PKD1L3: variants seen among roughly 807,000 people sequenced by gnomAD.
The protein encoded by PKD1L3 is polycystin 1 like 3, transient receptor potential channel interacting, also known as polycystin-1-like protein 3.
In PKD1L3, 239 loss-of-function variants were observed where a neutral mutation model predicts 184.1. The ratio of observed to expected loss-of-function variants is 1.30; its 90% CI spans 1.17 to 1.45. The LOEUF (loss-of-function observed/expected upper bound fraction) is 1.45, where lower values mean the gene tolerates loss of function less well. Among genes scored for constraint, PKD1L3 ranks in the 40% most tolerant of loss-of-function variants. The pLI is 0.00. For missense variants in PKD1L3, 2,660 were observed against 2,067.2 expected (o/e 1.29, Z -5.56); for synonymous variants, 996 against 778.8 (o/e 1.28, Z -4.64).
intron 11 of PKD1L3, 105 bp from the exon 12 acceptor site, chr16:71,973,622 G>C (rs2039805912): frequency 9.8e-7 from 1 of 1,016,986 alleles, no homozygotes; most frequent in African/African-American, 1.6e-5. Flanking sequence ...ATGAGACCAT[G>C]ATGAAACTAG....
intron 16 of PKD1L3, among the ~76,000 whole-genome samples, chr16:71,954,619 A>G (rs901707851): frequency 2.0e-5 from 3 of 152,218 alleles, no homozygotes; most frequent in African/African-American, 4.8e-5. Flanking sequence ...TTACTCTTCA[A>G]AAGTTTACAT....
chr16:71,941,589 T>G (rs1459648598), intron 24 of PKD1L3, among the ~76,000 whole-genome samples: 1 of 146,000 alleles, frequency 6.8e-6, no homozygotes, highest in Non-Finnish European at 1.5e-5. Context: ...TTCTTTTTTT[T>G]TTTTTTTTTT....
At chr16:71,991,633 T>C (rs1411887608) in intron 3 of PKD1L3, among the ~76,000 whole-genome samples, 1 of 152,066 alleles carries the variant, frequency 6.6e-6, no homozygotes. Context: ...ACACAGAGGG[T>C]AGGAAGCAGC....
At chr16:71,965,428 G>T (rs532096151) in intron 15 of PKD1L3, among the ~76,000 whole-genome samples, 1 of 152,140 alleles carries the variant, frequency 6.6e-6, no homozygotes, top group South Asian at 2.1e-4. Context: ...CATGGTCAGT[G>T]TATGTTTAAC....
chr16:71,944,025 C>G lies in PKD1L3; in HGVS notation c.3859+5G>C, dbSNP rs1482630991. The G allele has an allele frequency of 4.5e-6, 7 of 1,550,578 alleles. No individual in the cohort carries two copies. The highest frequency in any genetic ancestry group is 5.2e-6 in the Non-Finnish European group (6 of 1,146,762). On this transcript the variant is annotated splice_donor_5th_base_variant and intron_variant, in intron 23 of 29. Transcript: ENST00000620267. Reference sequence around the variant, plus strand: ...TATCAGTATGTTGCCATTTCCTCTCCATACCCAAAATATCTCCAGTCAGCT... The same window carrying G: ...TATCAGTATGTTGCCATTTCCTCTCGATACCCAAAATATCTCCAGTCAGCT...
intron 12 of PKD1L3, among the ~76,000 whole-genome samples, chr16:71,972,341 G>A (rs1020912184): frequency 7.2e-5 from 11 of 152,160 alleles, no homozygotes; most frequent in African/African-American, 1.9e-4. Flanking sequence ...CAGAGGTTGC[G>A]GTGAGCCGAG....
rs753336094 is a variant in PKD1L3 at position 71,937,180 on chromosome 16, C to T, written c.4452+112G>A. 3.0e-5 allele frequency: 33 copies of T among 1,106,614 alleles called. 1 individual carries two copies. The East Asian group carries it at 6.0e-4, about 20-fold the overall frequency. The allele number at this position is 1,106,614 out of a possible 1,614,324, so 68.5% of individuals were successfully genotyped here. On this transcript the variant is annotated intron_variant, in intron 25 of 29. Coordinates refer to ENST00000620267, the MANE Select transcript of PKD1L3 (RefSeq NM_181536.2). ...AAGCAATTCTCACATCTCAGCCTCC[C>T]GAGTAGCTGGGACCACAGGTGCATG...
intron 1 of PKD1L3, among the ~76,000 whole-genome samples, chr16:71,998,828 C>G (rs2040875526): frequency 6.6e-6 from 1 of 152,090 alleles, no homozygotes; most frequent in Non-Finnish European, 1.5e-5. Context: ...GAATTTCCTC[C>G]CATACATTAT....
chr16:71,965,455 A>C (rs2039465710), intron 15 of PKD1L3, among the ~76,000 whole-genome samples: 1 of 152,060 alleles, frequency 6.6e-6, no homozygotes, highest in Non-Finnish European at 1.5e-5. Context: ...AGAAACTGGC[A>C]AGCTGTTCTC....
At chr16:71,975,803 A>G (rs979201761) in intron 11 of PKD1L3, among the ~76,000 whole-genome samples, 4 of 152,194 alleles carry the variant, frequency 2.6e-5, no homozygotes, top group African/African-American at 9.7e-5. Flanking sequence ...AGGACTCAAT[A>G]CACACACATA....
chr16:71,943,858 G>A (rs542528373), intron 23 of PKD1L3, among the ~76,000 whole-genome samples, 172 bp downstream of exon 23: 1 of 152,220 alleles, frequency 6.6e-6, no homozygotes, highest in South Asian at 2.1e-4. Flanking sequence ...CAAGGTCAGG[G>A]ATCTGTCCAG....
chr16:71,967,042 C>A, intron 15 of PKD1L3, 95 bp downstream of exon 15: 1 of 1,339,306 alleles, frequency 7.5e-7, no homozygotes. Context: ...TACTATTTGG[C>A]TCAAAGCTTT....
chr16:71,971,945 G>A (rs367919199), intron 12 of PKD1L3, among the ~76,000 whole-genome samples: 5 of 152,048 alleles, frequency 3.3e-5, no homozygotes, highest in African/African-American at 9.7e-5. Context: ...GGCCGGGCAC[G>A]GTGGCTCACA....
chr16:71,977,415 A>AT lies in PKD1L3; in HGVS notation c.1579dup (p.Met527AsnfsTer26), dbSNP rs1410876045. The AT allele has an allele frequency of 1.4e-5, 21 of 1,551,522 alleles. No homozygotes were observed. The highest frequency in any genetic ancestry group is 4.1e-5 in the African/African-American group (3 of 73,036). On this transcript the variant is annotated frameshift_variant, in exon 11 of 30. Coordinates refer to ENST00000620267, the MANE Select transcript of PKD1L3 (RefSeq NM_181536.2). LOFTEE classifies it high-confidence loss of function. ...TGTGATTGTAAGCTGATGTGTGCTC[A>AT]TGTTGAGGCTGGTGGGATGGGTTTC...
Position 71,936,583 on chromosome 16 carries a change from G to A in PKD1L3, c.4452+709C>T, listed in dbSNP as rs557895009. Among the ~76,000 whole-genome samples the A allele has an allele frequency of 6.9e-5, 10 of 145,210 alleles. No homozygotes were observed. In the South Asian group the frequency reaches 1.1e-3, roughly 16 times the overall value. On this transcript the variant is annotated intron_variant, in intron 25 of 29. Transcript: ENST00000620267. ...TGCCCAAGCTGAAGTGCAAGGGCGC[G>A]ATCTCGGCTCACTGCAACCTCCGCC...
chr16:71,954,049 CAAAA>C, intron 17 of PKD1L3, 52 bp downstream of exon 17: 1 of 1,124,758 alleles, frequency 8.9e-7, no homozygotes. Context: ...GACCCTGTCT[CAAAA>C]AAAAAAAAGG....
chr16:71,940,204 C>T (rs998424065), intron 24 of PKD1L3, among the ~76,000 whole-genome samples: 1 of 152,104 alleles, frequency 6.6e-6, no homozygotes, highest in East Asian at 1.9e-4. Flanking sequence ...TGCCTTCTAC[C>T]ACCCCATGAC....
At chr16:71,946,545 CAGTT>C (rs1455171463) in intron 22 of PKD1L3, among the ~76,000 whole-genome samples, 1 of 151,784 alleles carries the variant, frequency 6.6e-6, no homozygotes, top group Non-Finnish European at 1.5e-5. Flanking sequence ...TAGCCCTAGT[CAGTT>C]AGAGGGTAGG....
At chr16:71,968,100 C>T in intron 13 of PKD1L3, 93 bp from the exon 14 acceptor site, 1 of 1,020,818 alleles carries the variant, frequency 9.8e-7, no homozygotes. Context: ...TGAACTCCGG[C>T]AGGTGTCTGG....
Sources: allele counts gnomAD v4.1 joint callset (sites outside exome capture counted in the v4.1 genomes callset), GRCh38; gene constraint gnomAD v4.1.1; transcripts MANE v1.5; gene names NCBI Gene and HGNC (gene_info 2026-07-23, HGNC 2026-07-21).